Variants in LRRC19 observed in about 807,000 individuals in gnomAD.
The protein encoded by LRRC19 is leucine-rich repeat-containing protein 19.
In LRRC19, 33 loss-of-function variants were observed where a neutral mutation model predicts 33.3. That is an observed-to-expected ratio of 0.99 (90% CI 0.75 to 1.33). The LOEUF is 1.33. Ranked by LOEUF, LRRC19 falls within the 40% of genes most tolerant of loss-of-function variation. LRRC19 has a pLI of 0.00. For synonymous variants in LRRC19, 184 were observed against 152.3 expected (o/e 1.21, Z -1.53); for missense variants, 463 against 417.3 (o/e 1.11, Z -0.95).
chr9:27,002,711 G>C (rs1434288769), intron 1 of LRRC19, among the ~76,000 whole-genome samples: 1 of 152,192 alleles, frequency 6.6e-6, no homozygotes, highest in African/African-American at 2.4e-5. Flanking sequence ...AAATTTTGAA[G>C]TCAGGTAGTG....
In LRRC19 at chr9:26,994,664, A is replaced by G. The variant is rs1426917532; in HGVS notation, c.*857T>C. On this transcript the variant is annotated 3_prime_UTR_variant, in exon 5 of 5. Coordinates refer to ENST00000380055, the MANE Select transcript of LRRC19 (RefSeq NM_022901.3). ...AATACTTGTGAATGTCTCTCTGGAA[A>G]TTAGTATTCTAGAAAAACAATTTGG... 1 of 152,620 alleles carries G rather than the reference A, an allele frequency of 6.6e-6. No individual in the cohort carries two copies. The highest frequency in any genetic ancestry group is 2.4e-5 in the African/African-American group (1 of 41,456). 9.5% of individuals were successfully genotyped at this position (152,620 alleles called of 1,614,324 possible). A position where few individuals can be genotyped will look rare whatever the true frequency, so the allele number is the denominator to read the frequency against.
rs991785814 is a variant in LRRC19 at position 27,005,613 on chromosome 9, G to C, written c.-31C>G. ...TTACCTTTTTTTCTTTTGTCTCTAA[G>C]ACTTGTGTGCTAAAGGAAATTAACT... On this transcript the variant is annotated 5_prime_UTR_variant, in exon 1 of 5. Coordinates refer to ENST00000380055, the MANE Select transcript of LRRC19 (RefSeq NM_022901.3). 22 of 149,708 alleles carry C rather than the reference G, an allele frequency of 1.5e-4. No individual in the cohort carries two copies. The highest frequency in any genetic ancestry group is 4.9e-4 in the African/African-American group (20 of 40,602). 9.3% of individuals were successfully genotyped at this position (149,708 alleles called of 1,614,324 possible). A position where few individuals can be genotyped will look rare whatever the true frequency, so the allele number is the denominator to read the frequency against.
intron 1 of LRRC19, among the ~76,000 whole-genome samples, chr9:27,003,554 G>A (rs142628490): frequency 6.6e-6 from 1 of 152,014 alleles, no homozygotes; most frequent in Non-Finnish European, 1.5e-5. Flanking sequence ...ATCAGAGTAG[G>A]CAAGAATCCA....
chr9:26,997,778 C>T lies in LRRC19; in HGVS notation c.545G>A (p.Cys182Tyr), dbSNP rs1401600262. The T allele has an allele frequency of 1.9e-6, 3 of 1,613,106 alleles. No individual in the cohort carries two copies. The highest frequency in any genetic ancestry group is 1.7e-4 in the Middle Eastern group (1 of 6,024). The change falls in exon 3 of 5, where the codon TGC becomes TAC. Residue 182 changes from cysteine (C) to tyrosine (Y), a missense_variant. Coordinates refer to ENST00000380055, the MANE Select transcript of LRRC19 (RefSeq NM_022901.3). Reference protein sequence around the residue: ...TLYGNLWNCSCSLFNLQNWLN... With the variant: ...TLYGNLWNCSYSLFNLQNWLN... ...CCAGTTCTGCAAATTAAATAGACTG[C>T]AAGAGCAGTTCCATAGGTTTCCATA...
In LRRC19 at chr9:26,994,331, G is replaced by T. The variant is rs151194641; in HGVS notation, c.*1190C>A. 6.6e-6 allele frequency: 1 copy of T among 152,084 alleles called. No homozygotes were observed. The highest frequency in any genetic ancestry group is 1.9e-4 in the East Asian group (1 of 5,184). 9.4% of individuals were successfully genotyped at this position (152,084 alleles called of 1,614,324 possible). A position where few individuals can be genotyped will look rare whatever the true frequency, so the allele number is the denominator to read the frequency against. ...AGGCGGGTAGATCATGAGGTCAGGC[G>T]TTCGAGACCAGCCTGGCCAACATGG... On this transcript the variant is annotated 3_prime_UTR_variant, in exon 5 of 5. Transcript: ENST00000380055.
At position 26,993,214 on chromosome 9, in the gene LRRC19, G is replaced by T. The variant is rs1164818300; in HGVS notation, c.*2307C>A. ...GGCCCTTGAATATAAAAGCTTAAGTGTAGTCTTTGCTCATTTGCAATTATA... is the reference window on the plus strand; with the variant it reads ...GGCCCTTGAATATAAAAGCTTAAGTTTAGTCTTTGCTCATTTGCAATTATA... On this transcript the variant is annotated 3_prime_UTR_variant, in exon 5 of 5. Transcript: ENST00000380055. 6.6e-6 allele frequency: 1 copy of T among 152,054 alleles called. No individual in the cohort carries two copies. Among genetic ancestry groups the T allele is most frequent in the Non-Finnish European group, 1.5e-5 (1 of 67,998 alleles). 9.4% of individuals were successfully genotyped at this position (152,054 alleles called of 1,614,324 possible).
chr9:26,998,307 A>T, intron 2 of LRRC19, 66 bp from the exon 3 acceptor site: 6 of 996,046 alleles, frequency 6.0e-6, no homozygotes, highest in Middle Eastern at 3.4e-4. Flanking sequence ...ACCAAATTTC[A>T]TATTTAAGCA....
At chr9:27,003,275 C>T (rs1232695643) in intron 1 of LRRC19, among the ~76,000 whole-genome samples, 1 of 152,008 alleles carries the variant, frequency 6.6e-6, no homozygotes, top group African/African-American at 2.4e-5. Flanking sequence ...GTAATCCCAG[C>T]ACTTTGGGAG....
chr9:26,995,862 A>G lies in LRRC19; in HGVS notation c.785-13T>C. 1.3e-6 allele frequency: 2 copies of G among 1,571,690 alleles called. No individual in the cohort carries two copies. The highest frequency in any genetic ancestry group is 2.4e-5 in the South Asian group (2 of 83,904). ...AGAGGTTCATGTTCTTTAATGGAAT[A>G]CCAAGAGAGGAGAGAGAAAGAAAAT... is the stretch of plus-strand genomic sequence containing the variant. On this transcript the variant is annotated splice_polypyrimidine_tract_variant and intron_variant, in intron 4 of 4. Coordinates refer to ENST00000380055, the MANE Select transcript of LRRC19 (RefSeq NM_022901.3).
At chr9:27,002,443 C>T (rs1828549900) in intron 1 of LRRC19, among the ~76,000 whole-genome samples, 1 of 152,190 alleles carries the variant, frequency 6.6e-6, no homozygotes, top group African/African-American at 2.4e-5. Flanking sequence ...TTATTAAAGT[C>T]TTTAATCCAT....
chr9:26,996,001 CTT>C (rs1490089353), intron 4 of LRRC19, 152 bp from the exon 5 acceptor site: 2 of 661,138 alleles, frequency 3.0e-6, no homozygotes, highest in Non-Finnish European at 4.8e-6. Flanking sequence ...GATGAATTCT[CTT>C]TGTTCAAAAT....
chr9:26,996,348 T>C lies in LRRC19; in HGVS notation c.747A>G (p.Ile249Met). The C allele has an allele frequency of 6.2e-7, 1 of 1,606,522 alleles. No individual in the cohort carries two copies. The highest frequency in any genetic ancestry group is 1.1e-5 in the South Asian group (1 of 89,808). ...YIHFQPISNS[I>M]FNSSSNNLTR... is the part of the protein sequence containing the mutation. ...TTAAGTTGTTCGAAGAGCTATTAAA[T>C]ATTGAATTGCTGATGGGCTGAAAAT... is the stretch of plus-strand genomic sequence containing the variant. Residue 249 changes from isoleucine (I) to methionine (M), a missense_variant, in exon 4 of 5, where the codon ATA becomes ATG. Physicochemically the swap from Ile to Met is conservative, Grantham distance 10. Transcript: ENST00000380055.
intron 1 of LRRC19, among the ~76,000 whole-genome samples, chr9:27,002,541 A>G (rs1398983892): frequency 6.6e-6 from 1 of 152,196 alleles, no homozygotes; most frequent in Non-Finnish European, 1.5e-5. Flanking sequence ...ATTTATTGAA[A>G]CAACTATTAT....
rs1201873992 is a variant in LRRC19 at position 26,993,929 on chromosome 9, C to T, written c.*1592G>A. On this transcript the variant is annotated 3_prime_UTR_variant, in exon 5 of 5. Coordinates refer to ENST00000380055, the MANE Select transcript of LRRC19 (RefSeq NM_022901.3). ...AAGATGTAAATTCTTAATTTCTCTG[C>T]ATATGAAGGTAAAAATTATAGATTG... 1 of 152,136 alleles carries T rather than the reference C, an allele frequency of 6.6e-6. No individual in the cohort carries two copies. Among genetic ancestry groups the T allele is most frequent in the Non-Finnish European group, 1.5e-5 (1 of 68,024 alleles). The allele number at this position is 152,136 out of a possible 1,614,324, so 9.4% of individuals were successfully genotyped here.
intron 4 of LRRC19, 140 bp downstream of exon 4, chr9:26,996,171 A>G: frequency 1.7e-6 from 1 of 599,522 alleles, no homozygotes; most frequent in South Asian, 4.1e-5. Flanking sequence ...AGTTTGGAAG[A>G]GCAATATTTT....
rs745616247 is a variant in LRRC19 at position 26,995,796 on chromosome 9, C to G, written c.838G>C (p.Val280Leu). ...AAAATGAGAAGTGAAGTCGTCAGTA[C>G]AGTGACAACAACACCAACAAGAAAA... ...WAFLVGVVVT[V>L]LTTSLLIFIA... The change falls in exon 5 of 5, where the codon GTA becomes CTA. Residue 280 changes from valine (V) to leucine (L), a missense_variant. Transcript: ENST00000380055. 1 of 1,612,570 alleles carries G rather than the reference C, an allele frequency of 6.2e-7. No homozygotes were observed. Among genetic ancestry groups the G allele is most frequent in the East Asian group, 2.2e-5 (1 of 44,804 alleles).
intron 1 of LRRC19, among the ~76,000 whole-genome samples, chr9:27,005,051 A>G (rs753840532): frequency 3.3e-5 from 5 of 152,200 alleles, no homozygotes; most frequent in Non-Finnish European, 5.9e-5. Context: ...TTAGATATTT[A>G]TGCCAGAATT....
At position 26,993,292 on chromosome 9, in the gene LRRC19, A is replaced by G. The variant is rs1563956864; in HGVS notation, c.*2229T>C. The G allele has an allele frequency of 6.6e-6, 1 of 152,160 alleles. No homozygotes were observed. Among genetic ancestry groups the G allele is most frequent in the Admixed American group, 6.5e-5 (1 of 15,276 alleles). 9.4% of individuals were successfully genotyped at this position (152,160 alleles called of 1,614,324 possible). On this transcript the variant is annotated 3_prime_UTR_variant, in exon 5 of 5. Transcript: ENST00000380055. The stretch of plus-strand genomic sequence containing the variant: ...TAATATTTGCATCTTATAATTAGGA[A>G]ATAATTTAGCAGAATGATACATTGT...
chr9:26,998,081 A>G lies in LRRC19; in HGVS notation c.242T>C (p.Ile81Thr), dbSNP rs749445102. ...ATGTAAGATAGTAACCTTGTTCTCA[A>G]TCAAATAGAGCTCTGTGAGTAAAAA... is the stretch of plus-strand genomic sequence containing the variant. ...TYFLLTELYL[I>T]ENKVTILHNN... Residue 81 changes from isoleucine to threonine, a missense_variant, in exon 3 of 5, where the codon ATT becomes ACT. By Grantham distance (89) the Ile-to-Thr change is moderately conservative. Transcript: ENST00000380055. The G allele has an allele frequency of 1.2e-6, 2 of 1,613,622 alleles. No individual in the cohort carries two copies. Among genetic ancestry groups the G allele is most frequent in the South Asian group, 1.1e-5 (1 of 91,050 alleles).
Sources: allele counts gnomAD v4.1 joint callset (sites outside exome capture counted in the v4.1 genomes callset), GRCh38; gene constraint gnomAD v4.1.1; transcripts MANE v1.5; gene names NCBI Gene and HGNC (gene_info 2026-07-23, HGNC 2026-07-21).